SEL1L: variants seen among roughly 807,000 people sequenced by gnomAD.
SEL1L encodes the protein protein sel-1 homolog 1.
A neutral mutation model predicts 109.8 loss-of-function variants in SEL1L; 52 were observed. The observed-to-expected ratio is 0.47, with a 90% confidence interval of 0.38 to 0.60. SEL1L has a LOEUF of 0.60. SEL1L is among the 20% of genes least tolerant of loss of function. The probability of loss-of-function intolerance (pLI) is 0.00; values close to 1 mark genes in which losing one functional copy is unlikely to be tolerated. For missense variants in SEL1L, 749 were observed against 962.2 expected, an observed-to-expected ratio of 0.78 and a Z score of 2.93; for synonymous variants, 373 against 339.6, an observed-to-expected ratio of 1.10 and a Z score of -1.08.
intron 20 of SEL1L, 69 bp downstream of exon 20, chr14:81,479,543 G>A: frequency 6.6e-7 from 1 of 1,504,900 alleles, no homozygotes; most frequent in Non-Finnish European, 8.9e-7. Context: ...CTCAACTTTT[G>A]AAAAACAAAC....
intron 9 of SEL1L, 80 bp from the exon 10 acceptor site, chr14:81,498,126 G>C: frequency 7.1e-7 from 1 of 1,409,138 alleles, no homozygotes; most frequent in Non-Finnish European, 9.7e-7. Flanking sequence ...AATTCCAGCT[G>C]CCAAACGTTG....
Position 81,477,194 on chromosome 14 carries a change from A to C in SEL1L, c.2176-13T>G. On this transcript the variant is annotated splice_polypyrimidine_tract_variant and intron_variant, in intron 20 of 20. Transcript: ENST00000336735. ...ACATATCTCGAATCTTAATGAAAAT[A>C]ATATAGAAACCATTATTATCACTAA... 6.2e-7 allele frequency: 1 copy of C among 1,603,348 alleles called. No individual in the cohort carries two copies. Among genetic ancestry groups the C allele is most frequent in the Non-Finnish European group, 8.5e-7 (1 of 1,170,580 alleles).
chr14:81,533,465 G>C (rs936005528), intron 1 of SEL1L, among the ~76,000 whole-genome samples: 1 of 152,208 alleles, frequency 6.6e-6, no homozygotes, highest in Admixed American at 6.5e-5. Context: ...TGTGGGCAGG[G>C]TGACCGCCCC....
intron 1 of SEL1L, 43 bp downstream of exon 1, chr14:81,533,632 G>C: frequency 6.3e-7 from 1 of 1,592,332 alleles, no homozygotes; most frequent in Non-Finnish European, 8.6e-7. Context: ...GAGGCTGGGG[G>C]GCGGAGGCTC....
At chr14:81,526,280 C>T (rs1885110642) in intron 3 of SEL1L, among the ~76,000 whole-genome samples, 1 of 152,160 alleles carries the variant, frequency 6.6e-6, no homozygotes, top group Non-Finnish European at 1.5e-5. Flanking sequence ...CAAGCGTCAG[C>T]TGAGGGATAA....
intron 1 of SEL1L, among the ~76,000 whole-genome samples, chr14:81,529,398 A>T (rs1016935877): frequency 1.3e-5 from 2 of 152,196 alleles, no homozygotes; most frequent in Non-Finnish European, 2.9e-5. Context: ...ATACCCCCAA[A>T]TACTGAATGA....
chr14:81,526,161 AT>A (rs1451848336), intron 3 of SEL1L, among the ~76,000 whole-genome samples: 2 of 152,190 alleles, frequency 1.3e-5, no homozygotes, highest in Non-Finnish European at 2.9e-5. Flanking sequence ...TACATTAATA[AT>A]TTTTAAAAGG....
rs776596785 is a variant in SEL1L at position 81,492,556 on chromosome 14, A to G, written c.1186-8T>C. 4.5e-6 allele frequency: 7 copies of G among 1,570,498 alleles called. No individual in the cohort carries two copies. In the South Asian group the frequency reaches 8.2e-5, roughly 18 times the overall value. ...GAAGTAGTCAAATGCTCTCTATGAG[A>G]AAAGAATTTATTAAAATAATTAGTT... On this transcript the variant is annotated splice_region_variant and splice_polypyrimidine_tract_variant and intron_variant, in intron 11 of 20. Transcript: ENST00000336735.
intron 3 of SEL1L, 41 bp downstream of exon 3, chr14:81,526,692 C>T (rs1463476875): frequency 2.0e-6 from 3 of 1,498,634 alleles, no homozygotes; most frequent in Non-Finnish European, 2.8e-6. Context: ...TTTCAGTTGT[C>T]CCCTAAATAA....
intron 14 of SEL1L, 151 bp from the exon 15 acceptor site, chr14:81,488,093 A>G (rs1883385785): frequency 8.6e-6 from 5 of 581,536 alleles, no homozygotes; most frequent in African/African-American, 5.6e-5. Context: ...ATAATAGATA[A>G]TAATATACAT....
intron 8 of SEL1L, chr14:81,498,737 A>C: frequency 3.1e-6 from 1 of 326,116 alleles, no homozygotes; most frequent in Non-Finnish European, 5.5e-6. Flanking sequence ...TAGATGTCAT[A>C]AACTTTATTT....
At position 81,476,627 on chromosome 14, in the gene SEL1L, T is replaced by C. The variant is rs1903167932; in HGVS notation, c.*345A>G. 1 of 225,300 alleles carries C rather than the reference T, an allele frequency of 4.4e-6. No individual in the cohort carries two copies. The highest frequency in any genetic ancestry group is 8.6e-5 in the East Asian group (1 of 11,582). 14.0% of individuals were successfully genotyped at this position (225,300 alleles called of 1,614,324 possible). ...CTTAAAGATGGTTGACATTAAGAAC[T>C]TATGCACACTGAAATAATGACCAAA... On this transcript the variant is annotated 3_prime_UTR_variant, in exon 21 of 21. Transcript: ENST00000336735.
At chr14:81,511,602 A>G (rs988627729) in intron 3 of SEL1L, among the ~76,000 whole-genome samples, 1 of 152,252 alleles carries the variant, frequency 6.6e-6, no homozygotes, top group Non-Finnish European at 1.5e-5. Flanking sequence ...AAGCCTTTTC[A>G]TGAAAGTCAG....
At position 81,498,008 on chromosome 14, in the gene SEL1L, G is replaced by T; in HGVS notation, c.1012C>A (p.Gln338Lys). 1 of 1,613,764 alleles carries T rather than the reference G, an allele frequency of 6.2e-7. No homozygotes were observed. Among genetic ancestry groups the T allele is most frequent in the Non-Finnish European group, 8.5e-7 (1 of 1,179,862 alleles). Residue 338 changes from glutamine (Q) to lysine (K), a missense_variant, in exon 10 of 21, where the codon CAG (glutamine) becomes AAG (lysine). Gln to Lys is a moderately conservative substitution (Grantham distance 53). This residue lies in a region of SEL1L where 366 missense variants were observed against 399.8 expected (regional missense o/e 0.92). Transcript: ENST00000336735. ...DISLTGGSVV[Q>K]RIRLPDEVEN... ...ACTTCATCAGGCAGCCGTATTCTCTGTACTACTGAGCCTCCTGTTAGCGAG... is the reference window on the plus strand; with the variant it reads ...ACTTCATCAGGCAGCCGTATTCTCTTTACTACTGAGCCTCCTGTTAGCGAG...
At chr14:81,478,533 T>C (rs894699003) in intron 20 of SEL1L, among the ~76,000 whole-genome samples, 2 of 152,156 alleles carry the variant, frequency 1.3e-5, no homozygotes, top group Non-Finnish European at 2.9e-5. Context: ...AGGTCTGAAA[T>C]GGTACTGAAA....
chr14:81,487,566 A>G (rs1294241167), intron 15 of SEL1L, 28 bp from the exon 16 acceptor site: 7 of 1,587,296 alleles, frequency 4.4e-6, no homozygotes, highest in Non-Finnish European at 6.0e-6. Flanking sequence ...ATCACACGAG[A>G]TAATAGACTT....
chr14:81,520,443 GA>G (rs1333536275), intron 3 of SEL1L, among the ~76,000 whole-genome samples: 6 of 152,250 alleles, frequency 3.9e-5, no homozygotes, highest in African/African-American at 1.4e-4. Context: ...CTGTTATTTT[GA>G]AACTATATAT....
chr14:81,488,034 T>TA (rs1039951408), intron 14 of SEL1L, 92 bp from the exon 15 acceptor site: 30 of 948,696 alleles, frequency 3.2e-5, no homozygotes, highest in Admixed American at 1.8e-4. Flanking sequence ...ACAAAGCATA[T>TA]AAAAAAATAT....
chr14:81,520,025 T>C (rs564117835), intron 3 of SEL1L, among the ~76,000 whole-genome samples: 2 of 152,218 alleles, frequency 1.3e-5, no homozygotes, highest in African/African-American at 2.4e-5. Flanking sequence ...AGGGGAGTTA[T>C]GGGGTCAAAT....
Sources: allele counts gnomAD v4.1 joint callset (sites outside exome capture counted in the v4.1 genomes callset), GRCh38; gene constraint gnomAD v4.1.1; regional missense constraint gnomAD v4.1.1; transcripts MANE v1.5; gene names NCBI Gene and HGNC (gene_info 2026-07-23, HGNC 2026-07-21).